The following DCLRE1C variants were observed in gnomAD, a reference collection of about 807,000 sequenced individuals.
DCLRE1C encodes the protein protein artemis.
A neutral mutation model predicts 61.4 loss-of-function variants in DCLRE1C; 47 were observed. That is an observed-to-expected ratio of 0.77 (90% CI 0.61 to 0.98). The LOEUF (loss-of-function observed/expected upper bound fraction) is 0.98. DCLRE1C is among the 50% of genes least tolerant of loss of function. The probability of loss-of-function intolerance (pLI) is 0.00; values close to 1 mark genes in which losing one functional copy is unlikely to be tolerated. For synonymous variants in DCLRE1C, 337 were observed against 287.6 expected, an observed-to-expected ratio of 1.17 and a Z score of -1.74; for missense variants, 858 against 816.0, an observed-to-expected ratio of 1.05 and a Z score of -0.63.
At chr10:14,941,582 T>C (rs1441903371) in intron 3 of DCLRE1C, among the ~76,000 whole-genome samples, 1 of 152,204 alleles carries the variant, frequency 6.6e-6, no homozygotes, top group Non-Finnish European at 1.5e-5. Flanking sequence ...CCCCCAAGCC[T>C]AGCCATATCA....
chr10:14,943,317 T>C (rs1313900318), intron 3 of DCLRE1C, among the ~76,000 whole-genome samples: 3 of 152,044 alleles, frequency 2.0e-5, no homozygotes, highest in Non-Finnish European at 4.4e-5. Flanking sequence ...ATTTTGTCAA[T>C]TGCACATACG....
chr10:14,944,674 T>C (rs1168115973), intron 3 of DCLRE1C, among the ~76,000 whole-genome samples: 1,239 of 106,258 alleles, frequency 0.012, 20 homozygotes, highest in African/African-American at 0.041. Flanking sequence ...TTTTTTTTTC[T>C]TTTTTTTTTT....
intron 4 of DCLRE1C, among the ~76,000 whole-genome samples, chr10:14,939,443 CAA>C (rs56689715): frequency 6.1e-3 from 859 of 140,194 alleles, no homozygotes; most frequent in African/African-American, 0.02. Flanking sequence ...GACTCTGTCT[CAA>C]AAAAAAAAAA....
At chr10:14,922,155 C>T (rs902124683) in intron 12 of DCLRE1C, among the ~76,000 whole-genome samples, 1 of 152,154 alleles carries the variant, frequency 6.6e-6, no homozygotes, top group Non-Finnish European at 1.5e-5. Context: ...AGAAATCATT[C>T]ATGGGCCGGG....
intron 13 of DCLRE1C, among the ~76,000 whole-genome samples, chr10:14,914,200 A>G (rs1835777660): frequency 6.6e-6 from 1 of 152,208 alleles, no homozygotes; most frequent in African/African-American, 2.4e-5. Context: ...GAGATGGAAA[A>G]AGATACATCA....
At chr10:14,935,318 T>C (rs1329002897) in intron 6 of DCLRE1C, 145 bp downstream of exon 6, 2 of 854,148 alleles carry the variant, frequency 2.3e-6, no homozygotes, top group African/African-American at 1.7e-5. Context: ...AATACAAAAT[T>C]AGCTGGGCGT....
chr10:14,932,767 G>A, intron 9 of DCLRE1C, 87 bp downstream of exon 9: 1 of 1,475,032 alleles, frequency 6.8e-7, no homozygotes, highest in East Asian at 2.3e-5. Flanking sequence ...CATTTGTAAA[G>A]CGAAGAGCCT....
intron 6 of DCLRE1C, 130 bp downstream of exon 6, chr10:14,935,333 G>T: frequency 1.0e-6 from 1 of 976,612 alleles, no homozygotes; most frequent in Non-Finnish European, 1.6e-6. Flanking sequence ...GGGCGTGGTG[G>T]CACGTACCTG....
Position 14,932,878 on chromosome 10 carries a change from C to G in DCLRE1C, c.756G>C (p.Gln252His), listed in dbSNP as rs1249898599. The G allele has an allele frequency of 3.1e-6, 5 of 1,614,080 alleles. No homozygotes were observed. Among genetic ancestry groups the G allele is most frequent in the Non-Finnish European group, 4.2e-6 (5 of 1,180,042 alleles). ...CCTTGGGATGCCGGCATGCATGGATCTGAGTGTTGCGGTCTGTTGTGAGAT... is the reference window on the plus strand; with the variant it reads ...CCTTGGGATGCCGGCATGCATGGATGTGAGTGTTGCGGTCTGTTGTGAGAT... ...LHHLTTDRNT[Q>H]IHACRHPKAE... Residue 252 changes from glutamine (Q) to histidine (H), a missense_variant, in exon 9 of 14, where the codon CAG becomes CAC. By Grantham distance (24) the Gln-to-His change is conservative. Transcript: ENST00000378278.
chr10:14,897,409 C>T (rs769774349), exon 14 of DCLRE1C: 1 of 1,613,396 alleles, frequency 6.2e-7, no homozygotes, highest in South Asian at 1.1e-5. Context: ...TACAAAAAGG[C>T]ACACAGTATT....
intron 8 of DCLRE1C, among the ~76,000 whole-genome samples, chr10:14,933,437 G>C (rs1347865028): frequency 6.6e-6 from 1 of 152,158 alleles, no homozygotes; most frequent in Admixed American, 6.5e-5. Context: ...AGGAGATCGA[G>C]ACCAGCCTGG....
chr10:14,945,544 G>A (rs764009591), intron 2 of DCLRE1C: 610 of 1,093,964 alleles, frequency 5.6e-4, no homozygotes, highest in Non-Finnish European at 6.6e-4. Context: ...GGAAATACGC[G>A]CTTGTATGTG....
intron 2 of DCLRE1C, among the ~76,000 whole-genome samples, chr10:14,948,052 A>G (rs984031302): frequency 1.3e-5 from 2 of 152,034 alleles, no homozygotes; most frequent in African/African-American, 4.8e-5. Context: ...CCTGTCACAA[A>G]AGTCAATAAG....
chr10:14,934,589 C>A lies in DCLRE1C; in HGVS notation c.538-69G>T, dbSNP rs1839588661. The A allele has an allele frequency of 3.1e-6, 5 of 1,613,818 alleles. No individual in the cohort carries two copies. The South Asian group carries it at 5.5e-5, about 18-fold the overall frequency. On this transcript the variant is annotated intron_variant, in intron 7 of 13. Transcript: ENST00000378278. The stretch of plus-strand genomic sequence containing the variant: ...ACATAGCCTTTTCCTTCCCAACAGT[C>A]CCAGGTACTCACACCTACGGGGACA...
Position 14,935,471 on chromosome 10 carries a change from G to A in DCLRE1C, c.456C>T (p.Ser152=), listed in dbSNP as rs140176235. 3.0e-5 allele frequency: 48 copies of A among 1,613,828 alleles called. No homozygotes were observed. Among genetic ancestry groups the A allele is most frequent in the East Asian group, 1.6e-4 (7 of 44,880 alleles). ...GEAARMELLH[S]GGRVKDIQSV... ...TATACGAGGCCCAGTACCTGCCCCC[G>A]GAGTGCAGAAGCTCCATTCTAGCAG... The change falls in exon 6 of 14, where the codon TCC becomes TCT. Residue 152 remains serine, a synonymous_variant. Transcript: ENST00000378278.
At chr10:14,902,312 C>G (rs181611035), downstream of DCLRE1C, 9 of 773,278 alleles carry the variant, frequency 1.2e-5, no homozygotes, top group Non-Finnish European at 1.8e-5. Flanking sequence ...TACCCTCTAT[C>G]ACTGATAATA....
chr10:14,942,626 G>T (rs1176098190), intron 3 of DCLRE1C, among the ~76,000 whole-genome samples: 1 of 152,184 alleles, frequency 6.6e-6, no homozygotes, highest in Non-Finnish European at 1.5e-5. Context: ...TTTCGGGGAG[G>T]GCAGTGCAGT....
chr10:14,902,760 C>T (rs1213180775), downstream of DCLRE1C: 1 of 289,448 alleles, frequency 3.5e-6, no homozygotes, highest in East Asian at 6.4e-5. Context: ...AGACTATTTA[C>T]AGCTTAGTAT....
In DCLRE1C at chr10:14,934,329, A is replaced by G. The variant is rs757829042; in HGVS notation, c.678+51T>C. The G allele has an allele frequency of 2.6e-5, 18 of 692,096 alleles. No individual in the cohort carries two copies. In the African/African-American group the frequency reaches 3.1e-4, roughly 12 times the overall value. The allele number at this position is 692,096 out of a possible 1,614,324, so 42.9% of individuals were successfully genotyped here. The stretch of plus-strand genomic sequence containing the variant: ...GGCAACATAGCAAGACTCCCTCTCA[A>G]AAAAAAAAAAAAAAGAAAAAAGAAA... On this transcript the variant is annotated intron_variant, in intron 8 of 13. Coordinates refer to ENST00000378278, the MANE Select transcript of DCLRE1C (RefSeq NM_001033855.3).
Sources: gnomAD v4.1 joint callset for allele counts (sites outside exome capture counted in the v4.1 genomes callset) on GRCh38, gnomAD v4.1.1 for gene constraint, MANE v1.5 for transcripts, NCBI Gene and HGNC (gene_info 2026-07-23, HGNC 2026-07-21) for gene names.